Variants in RPS6KA2 observed in about 807,000 individuals in gnomAD.
RPS6KA2 encodes ribosomal protein S6 kinase alpha-2.
A neutral mutation model predicts 91.8 loss-of-function variants in RPS6KA2; 42 were observed. The observed-to-expected ratio is 0.46, with a 90% confidence interval of 0.36 to 0.59. The LOEUF (loss-of-function observed/expected upper bound fraction) is 0.59, where lower values mean the gene tolerates loss of function less well. Ranked by LOEUF, RPS6KA2 falls within the 20% of genes least tolerant of loss-of-function variation. The probability of loss-of-function intolerance (pLI) is 0.00; values close to 1 mark genes in which losing one functional copy is unlikely to be tolerated. For missense variants in RPS6KA2, 798 were observed against 978.5 expected (o/e 0.82, Z 2.46); for synonymous variants, 414 against 393.6 (o/e 1.05, Z -0.61).
At chr6:166,524,143 G>T (rs1385096819) in intron 3 of RPS6KA2, among the ~76,000 whole-genome samples, 1 of 152,152 alleles carries the variant, frequency 6.6e-6, no homozygotes, top group Non-Finnish European at 1.5e-5. Context: ...GACTTGACTT[G>T]CTTCAACAGA....
Position 166,635,801 on chromosome 6 carries a change from G to A in RPS6KA2, c.124-97017C>T, listed in dbSNP as rs1787218703. On this transcript the variant is annotated intron_variant, in intron 2 of 21. Transcript: ENST00000503859. The surrounding 1 kb of genome is among the most constrained non-coding windows in gnomAD (Gnocchi z 4.8). The stretch of plus-strand genomic sequence containing the variant: ...CAGGACAAGCCACCATCCCCACCCT[G>A]GGGAGAAGGCTGCATCCACCCCAGG... Among the ~76,000 whole-genome samples, 1 of 152,012 alleles carries A rather than the reference G, an allele frequency of 6.6e-6. No individual in the cohort carries two copies. The highest frequency in any genetic ancestry group is 1.5e-5 in the Non-Finnish European group (1 of 67,968).
At chr6:166,673,661 C>G (rs1788542778) in intron 2 of RPS6KA2, among the ~76,000 whole-genome samples, 1 of 152,378 alleles carries the variant, frequency 6.6e-6, no homozygotes. Flanking sequence ...AGGCGGCACG[C>G]AGCCCAGGTC....
At chr6:166,832,250 A>G (rs1476730696) in intron 2 of RPS6KA2, among the ~76,000 whole-genome samples, 3 of 152,164 alleles carry the variant, frequency 2.0e-5, no homozygotes, top group African/African-American at 7.2e-5. Context: ...CCTGGGAGGA[A>G]GAGCTGAGTT....
At chr6:166,465,868 C>T (rs1467237094) in intron 11 of RPS6KA2, among the ~76,000 whole-genome samples, 1 of 152,168 alleles carries the variant, frequency 6.6e-6, no homozygotes, top group African/African-American at 2.4e-5. Context: ...AGGGTGAGCA[C>T]CAAGCGTTAT....
At chr6:166,714,056 C>G (rs1253732811) in intron 2 of RPS6KA2, among the ~76,000 whole-genome samples, 1 of 152,216 alleles carries the variant, frequency 6.6e-6, no homozygotes, top group Non-Finnish European at 1.5e-5. Context: ...TTCCCCACAC[C>G]CTGTTCCAAC....
At chr6:166,740,585 A>G (rs1002034979) in intron 2 of RPS6KA2, among the ~76,000 whole-genome samples, 1 of 152,264 alleles carries the variant, frequency 6.6e-6, no homozygotes, top group Non-Finnish European at 1.5e-5. Context: ...TAAAAGCACA[A>G]AAATATTGAA....
chr6:166,774,855 C>CTTTTTTTTTTTTTTTTTTTTT (rs1562431973), intron 2 of RPS6KA2, among the ~76,000 whole-genome samples: 4 of 151,302 alleles, frequency 2.6e-5, no homozygotes, highest in Admixed American at 6.6e-5. Context: ...GGCATGTGTG[C>CTTTTTTTTTTTTTTTTTTTTT]TTCTTGTCTG....
chr6:166,529,914 T>C (rs1295387808), intron 3 of RPS6KA2, among the ~76,000 whole-genome samples: 1 of 152,234 alleles, frequency 6.6e-6, no homozygotes, highest in Non-Finnish European at 1.5e-5. Context: ...TTCTCTCCCC[T>C]ATAGAATTTT....
In RPS6KA2 at chr6:166,603,031, C is replaced by T. The variant is rs576260702; in HGVS notation, c.99+23890G>A. 6.6e-6 allele frequency among the ~76,000 whole-genome samples: 1 copy of T among 152,252 alleles called. No homozygotes were observed. Among genetic ancestry groups the T allele is most frequent in the African/African-American group, 2.4e-5 (1 of 41,524 alleles). On this transcript the variant is annotated intron_variant, in intron 1 of 20. Transcript: ENST00000265678. The surrounding 1 kb of genome is among the most constrained non-coding windows in gnomAD (Gnocchi z 4.3). The stretch of plus-strand genomic sequence containing the variant: ...ACCTAGGAACCCATTCTGCTTTCAC[C>T]CTCTGGATGAGTTCATTCAAAGACT...
chr6:166,672,020 C>T (rs770998541), intron 2 of RPS6KA2, among the ~76,000 whole-genome samples: 1 of 152,182 alleles, frequency 6.6e-6, no homozygotes. Context: ...TCATGATTTA[C>T]GAGTTATAGC....
intron 1 of RPS6KA2, among the ~76,000 whole-genome samples, chr6:166,552,831 T>C (rs528635740): frequency 6.6e-6 from 1 of 152,350 alleles, no homozygotes; most frequent in East Asian, 1.9e-4. Context: ...CGACCAGCTC[T>C]TTTTCAGTGG....
intron 19 of RPS6KA2, among the ~76,000 whole-genome samples, chr6:166,416,511 C>T (rs1315131047): frequency 6.6e-6 from 1 of 152,028 alleles, no homozygotes; most frequent in African/African-American, 2.4e-5. Flanking sequence ...GCCACCACCT[C>T]TGCCACTTTT....
Position 166,409,938 on chromosome 6 carries a change from A to G in RPS6KA2, c.*2824T>C, listed in dbSNP as rs1243379553. 6.6e-6 allele frequency: 1 copy of G among 152,254 alleles called. No homozygotes were observed. The highest frequency in any genetic ancestry group is 1.5e-5 in the Non-Finnish European group (1 of 68,032). 9.4% of individuals were successfully genotyped at this position (152,254 alleles called of 1,614,324 possible). ...ACAGTTAGTTTAAAATCACAGACAAATCGGACTTGAGGGTAAAAGTGAAAT... is the reference window on the plus strand; with the variant it reads ...ACAGTTAGTTTAAAATCACAGACAAGTCGGACTTGAGGGTAAAAGTGAAAT... On this transcript the variant is annotated 3_prime_UTR_variant, in exon 21 of 21. Coordinates refer to ENST00000265678, the MANE Select transcript of RPS6KA2 (RefSeq NM_021135.6).
chr6:166,488,561 A>G (rs1363838793), intron 10 of RPS6KA2, among the ~76,000 whole-genome samples: 1 of 152,258 alleles, frequency 6.6e-6, no homozygotes, highest in Non-Finnish European at 1.5e-5. Flanking sequence ...AGATTGGTTG[A>G]AGGATACTAC....
At chr6:166,602,197 G>T (rs1412360050) in intron 1 of RPS6KA2, among the ~76,000 whole-genome samples, 1 of 152,234 alleles carries the variant, frequency 6.6e-6, no homozygotes, top group African/African-American at 2.4e-5. Flanking sequence ...GCGACTCAGT[G>T]CCTGATGTCC....
At chr6:166,745,416 T>C (rs1210399017) in intron 2 of RPS6KA2, among the ~76,000 whole-genome samples, 1 of 152,130 alleles carries the variant, frequency 6.6e-6, no homozygotes, top group Admixed American at 6.5e-5. Flanking sequence ...CCTCCCAAAG[T>C]GTTGGGATTC....
chr6:166,844,866 AAC>A (rs982328697), intron 2 of RPS6KA2, among the ~76,000 whole-genome samples: 45 of 151,864 alleles, frequency 3.0e-4, no homozygotes, highest in Non-Finnish European at 5.7e-4. Flanking sequence ...ACACAACAAC[AAC>A]AAAAAAAACA....
rs532215857 is a variant in RPS6KA2, at chr6:166,817,146, C to G, written c.123+41054G>C. ...TATTTCTTTGTAATGTTCTCTAATACAAGTCAGAAATCAGACCTGAAGGCC... is the reference window on the plus strand; with the variant it reads ...TATTTCTTTGTAATGTTCTCTAATAGAAGTCAGAAATCAGACCTGAAGGCC... On this transcript the variant is annotated intron_variant, in intron 2 of 21. Transcript: ENST00000503859. Among the ~76,000 whole-genome samples the G allele has an allele frequency of 2.5e-3, 373 of 152,240 alleles. 1 individual carries two copies. The highest frequency in any genetic ancestry group is 8.7e-3 in the African/African-American group (361 of 41,534).
At chr6:166,799,624 G>A (rs1246806374) in intron 2 of RPS6KA2, among the ~76,000 whole-genome samples, 2 of 145,672 alleles carry the variant, frequency 1.4e-5, no homozygotes, top group Non-Finnish European at 3.0e-5. Flanking sequence ...TGAGAGTGGT[G>A]TGAAATCACT....
Sources: gnomAD v4.1 joint callset for allele counts (sites outside exome capture counted in the v4.1 genomes callset) on GRCh38, gnomAD v4.1.1 for gene constraint, Gnocchi (gnomAD v3.1) non-coding constraint, MANE v1.5 for transcripts, NCBI Gene and HGNC (gene_info 2026-07-23, HGNC 2026-07-21) for gene names.